Variants in TLL1 observed in about 807,000 individuals in gnomAD.
TLL1 encodes the protein tolloid-like protein 1.
TLL1 carries 49 observed loss-of-function variants against 128.2 expected under a neutral mutation model. That is an observed-to-expected ratio of 0.38 (90% CI 0.30 to 0.48). The LOEUF is 0.48. TLL1 is among the 20% of genes least tolerant of loss of function. TLL1 has a pLI of 0.96. For missense variants in TLL1, 1,123 were observed against 1,242.0 expected, an observed-to-expected ratio of 0.90 and a Z score of 1.44; for synonymous variants, 454 against 418.8, an observed-to-expected ratio of 1.08 and a Z score of -1.03.
intron 15 of TLL1, among the ~76,000 whole-genome samples, chr4:166,060,715 C>T (rs1411492094): frequency 6.6e-6 from 1 of 152,150 alleles, no homozygotes; most frequent in Non-Finnish European, 1.5e-5. Context: ...ATATAGCTTA[C>T]TCTACTAAAG....
chr4:165,992,944 T>C (rs1736713608), intron 3 of TLL1, 60 bp downstream of exon 3: 1 of 1,330,106 alleles, frequency 7.5e-7, no homozygotes, highest in Admixed American at 1.7e-5. Flanking sequence ...ATTATACTCA[T>C]AGCAGTTCAG....
At chr4:165,929,076 C>G (rs1733399121) in intron 1 of TLL1, among the ~76,000 whole-genome samples, 1 of 152,084 alleles carries the variant, frequency 6.6e-6, no homozygotes. Context: ...AGAAATAGTG[C>G]CAAGACTTCT....
intron 16 of TLL1, among the ~76,000 whole-genome samples, chr4:166,070,850 A>G (rs1336403212): frequency 7.2e-5 from 11 of 151,952 alleles, no homozygotes; most frequent in Non-Finnish European, 1.6e-4. Context: ...ATTCGACATG[A>G]TATTACTCTA....
chr4:166,010,704 T>G (rs1294914647), intron 7 of TLL1, among the ~76,000 whole-genome samples: 7 of 151,250 alleles, frequency 4.6e-5, no homozygotes, highest in African/African-American at 7.3e-5. Context: ...CTGTGACATA[T>G]CCAAGAAATC....
In TLL1 at chr4:166,091,156, A is replaced by G. The variant is rs1053831469; in HGVS notation, c.2471A>G (p.His824Arg). 4 of 1,612,998 alleles carry G rather than the reference A, an allele frequency of 2.5e-6. No individual in the cohort carries two copies. Among genetic ancestry groups the G allele is most frequent in the Non-Finnish European group, 3.4e-6 (4 of 1,179,386 alleles). Residue 824 changes from histidine (H) to arginine (R), a missense_variant, in exon 19 of 21, where the codon CAT becomes CGT. By Grantham distance (29) the His-to-Arg change is conservative. Transcript: ENST00000061240. ...LAFSEFEIEQ[H>R]QECAYDHLEV... Reference sequence around the variant, plus strand: ...TTTAGTGAATTTGAGATTGAGCAGCATCAAGAATGTGCTTATGACCACTTA... The same window carrying G: ...TTTAGTGAATTTGAGATTGAGCAGCGTCAAGAATGTGCTTATGACCACTTA...
chr4:166,030,257 T>A (rs1738702862), intron 9 of TLL1, among the ~76,000 whole-genome samples: 1 of 152,186 alleles, frequency 6.6e-6, no homozygotes, highest in South Asian at 2.1e-4. Flanking sequence ...CATCTTCTAG[T>A]GATAACTTGG....
chr4:166,062,197 G>A (rs929215191), intron 15 of TLL1, among the ~76,000 whole-genome samples: 6 of 152,264 alleles, frequency 3.9e-5, no homozygotes, highest in African/African-American at 1.4e-4. Context: ...TCGTGGAGAT[G>A]TGGGTTCTTT....
chr4:165,881,706 G>T (rs1417242939), intron 1 of TLL1, among the ~76,000 whole-genome samples: 2 of 152,204 alleles, frequency 1.3e-5, no homozygotes, highest in African/African-American at 4.8e-5. Flanking sequence ...AAACAAAAAT[G>T]CAAATGACTA....
At chr4:165,975,402 A>G (rs926664789) in intron 1 of TLL1, among the ~76,000 whole-genome samples, 2 of 152,150 alleles carry the variant, frequency 1.3e-5, no homozygotes, top group African/African-American at 4.8e-5. Context: ...GATACTGTAT[A>G]GGAAAAGAAA....
At chr4:166,079,193 T>C (rs1196610891) in intron 18 of TLL1, among the ~76,000 whole-genome samples, 1 of 152,132 alleles carries the variant, frequency 6.6e-6, no homozygotes, top group Non-Finnish European at 1.5e-5. Flanking sequence ...CCCTGAACCT[T>C]ATGGTAGCTT....
chr4:165,930,359 T>C (rs561635213), intron 1 of TLL1, among the ~76,000 whole-genome samples: 91 of 152,292 alleles, frequency 6.0e-4, no homozygotes, highest in African/African-American at 2.1e-3. Context: ...ATAGGAGAAT[T>C]TAAAGTATTC....
At chr4:166,079,091 A>G (rs769187989) in intron 18 of TLL1, among the ~76,000 whole-genome samples, 2 of 152,140 alleles carry the variant, frequency 1.3e-5, no homozygotes, top group African/African-American at 4.8e-5. Flanking sequence ...TTTCAGCCAC[A>G]CTGTTGAAGG....
At chr4:165,934,476 C>G (rs960092305) in intron 1 of TLL1, among the ~76,000 whole-genome samples, 1 of 152,168 alleles carries the variant, frequency 6.6e-6, no homozygotes, top group Admixed American at 6.5e-5. Flanking sequence ...GAAGATGAGG[C>G]CTCTGTGTCA....
rs577979028 is a variant in TLL1, at chr4:165,912,022, C to G, written c.169+37949C>G. On this transcript the variant is annotated intron_variant, in intron 1 of 20. Transcript: ENST00000061240. ...TCCCGAGTAGCTGGGACTACAGGCA[C>G]CCGCCACCATGCCCGGCTAATTTTT... Among the ~76,000 whole-genome samples the G allele has an allele frequency of 3.6e-3, 544 of 152,206 alleles. 3 individuals carry two copies. The highest frequency in any genetic ancestry group is 5.6e-3 in the Non-Finnish European group (378 of 68,010).
chr4:165,984,982 CTT>C (rs1236454661), intron 1 of TLL1, among the ~76,000 whole-genome samples: 1 of 151,948 alleles, frequency 6.6e-6, no homozygotes, highest in African/African-American at 2.4e-5. Context: ...TATATGGACT[CTT>C]TTGTTATACA....
intron 5 of TLL1, among the ~76,000 whole-genome samples, chr4:165,997,580 C>T (rs1218035237): frequency 6.6e-6 from 1 of 152,138 alleles, no homozygotes; most frequent in Admixed American, 6.5e-5. Flanking sequence ...ATAGGAAGGA[C>T]TATTATGCAT....
Position 166,099,300 on chromosome 4 carries a change from G to A in TLL1, c.2680G>A (p.Glu894Lys). ...STECGGRLKA[E>K]SKPRDLYSHA... Reference sequence around the variant, plus strand: ...AGAGTGTGGCGGACGATTGAAAGCAGAATCAAAACCAAGAGATCTGTACTC... The same window carrying A: ...AGAGTGTGGCGGACGATTGAAAGCAAAATCAAAACCAAGAGATCTGTACTC... The change falls in exon 20 of 21, where the codon GAA becomes AAA. Residue 894 changes from glutamate (E) to lysine (K), a missense_variant. This residue lies in a region of TLL1 where 634 missense variants were observed against 672.4 expected (regional missense o/e 0.94). Transcript: ENST00000061240. 6.2e-7 allele frequency: 1 copy of A among 1,613,494 alleles called. No homozygotes were observed. Among genetic ancestry groups the A allele is most frequent in the Non-Finnish European group, 8.5e-7 (1 of 1,179,612 alleles).
At chr4:165,916,499 G>A (rs1281630655) in intron 1 of TLL1, among the ~76,000 whole-genome samples, 1 of 152,142 alleles carries the variant, frequency 6.6e-6, no homozygotes, top group Non-Finnish European at 1.5e-5. Flanking sequence ...AAGTGAACCA[G>A]AAGTAAGGTG....
In TLL1 at chr4:166,025,407, A is replaced by G; in HGVS notation, c.1134A>G (p.Arg378=). The change falls in exon 9 of 21, where the codon AGA becomes AGG. Residue 378 remains arginine, a synonymous_variant. Transcript: ENST00000061240. ...GYPSYTHCIW[R]VSVTPGEKIV... is the part of the protein sequence containing the mutation. ...CTTCTTACACACACTGCATCTGGAG[A>G]GTTTCTGTGACCCCAGGGGAGAAGG... 2 of 1,613,292 alleles carry G rather than the reference A, an allele frequency of 1.2e-6. No individual in the cohort carries two copies.
Sources: allele counts gnomAD v4.1 joint callset (sites outside exome capture counted in the v4.1 genomes callset), GRCh38; gene constraint gnomAD v4.1.1; regional missense constraint gnomAD v4.1.1; transcripts MANE v1.5; gene names NCBI Gene and HGNC (gene_info 2026-07-23, HGNC 2026-07-21).